Variants in CDON observed in about 807,000 individuals in gnomAD.
CDON encodes cell adhesion associated, oncogene regulated.
Under a neutral mutation model 120.9 loss-of-function variants are expected in CDON, and 73 were observed. The ratio of observed to expected loss-of-function variants is 0.60; its 90% CI spans 0.50 to 0.73. The LOEUF (loss-of-function observed/expected upper bound fraction) is 0.73, where lower values mean the gene tolerates loss of function less well. Among genes scored for constraint, CDON ranks in the 30% least tolerant of loss-of-function variants. The pLI is 0.00. For synonymous variants in CDON, 566 were observed against 573.5 expected (o/e 0.99, Z 0.19); for missense variants, 1,470 against 1,587.3 (o/e 0.93, Z 1.26).
rs1555114733 is a variant in CDON, at chr11:125,971,410, A to ATAAAT, written c.3356+6893_3356+6894insATTTA. Among the ~76,000 whole-genome samples, 27 of 150,854 alleles carry ATAAAT rather than the reference A, an allele frequency of 1.8e-4. 1 individual carries two copies. The highest frequency in any genetic ancestry group is 6.1e-4 in the African/African-American group (25 of 40,756). On this transcript the variant is annotated intron_variant, in intron 18 of 19. Transcript: ENST00000531738. ...AATAAATAAATAAATAAATAAATAA[A>ATAAAT]TAATAATAATTAATGTTCTCATATT...
At chr11:125,963,447 T>C (rs552610000) in intron 18 of CDON, among the ~76,000 whole-genome samples, 3 of 152,308 alleles carry the variant, frequency 2.0e-5, no homozygotes, top group Non-Finnish European at 2.9e-5. Context: ...AAGATAAGAA[T>C]TATTTGGATT....
chr11:125,995,907 C>T (rs949989007), intron 12 of CDON, among the ~76,000 whole-genome samples: 5 of 152,188 alleles, frequency 3.3e-5, no homozygotes, highest in African/African-American at 1.2e-4. Context: ...GAAACCTAAA[C>T]GAATGAAAGT....
In CDON at chr11:126,001,894, T is replaced by C. The variant is rs182011035; in HGVS notation, c.2027-44A>G. The C allele has an allele frequency of 1.6e-4, 234 of 1,437,936 alleles. No homozygotes were observed. In the African/African-American group the frequency reaches 2.7e-3, roughly 17 times the overall value. The allele number at this position is 1,437,936 out of a possible 1,614,324, so 89.1% of individuals were successfully genotyped here. ...ATATACAGTAACATAAGCATATATGTATGTAAAGTGGAAAAAAAAGAGTAC... is the reference window on the plus strand; with the variant it reads ...ATATACAGTAACATAAGCATATATGCATGTAAAGTGGAAAAAAAAGAGTAC... On this transcript the variant is annotated intron_variant, in intron 10 of 19. Transcript: ENST00000531738.
chr11:125,992,669 GATC>G (rs1349330495), intron 14 of CDON, among the ~76,000 whole-genome samples: 2 of 152,108 alleles, frequency 1.3e-5, no homozygotes, highest in Non-Finnish European at 1.5e-5. Context: ...TTAAAAATTG[GATC>G]ATAAATTTCT....
At chr11:125,961,166 G>T (rs979725793) in intron 19 of CDON, 61 bp from the exon 20 acceptor site, 141 of 1,483,078 alleles carry the variant, frequency 9.5e-5, no homozygotes, top group Admixed American at 4.4e-4. Flanking sequence ...TTACAAAGCA[G>T]TCTAAAAACT....
intron 13 of CDON, 99 bp from the exon 14 acceptor site, chr11:125,994,488 C>G: frequency 1.3e-6 from 1 of 749,804 alleles, no homozygotes; most frequent in South Asian, 1.5e-5. Flanking sequence ...TTTCTAGGTT[C>G]ATTTTGCAAA....
chr11:126,057,802 T>C (rs943127003), intron 1 of CDON, among the ~76,000 whole-genome samples: 3 of 152,240 alleles, frequency 2.0e-5, no homozygotes, highest in South Asian at 2.1e-4. Context: ...GCCCGCACTA[T>C]TACTAGCTTC....
intron 16 of CDON, among the ~76,000 whole-genome samples, chr11:125,982,789 G>A (rs547497182): frequency 1.3e-5 from 2 of 152,166 alleles, no homozygotes; most frequent in Admixed American, 6.5e-5. Flanking sequence ...GATTCAACAC[G>A]CACTCACACA....
chr11:125,981,370 ACACG>A lies in CDON; in HGVS notation c.2996-45_2996-42del, dbSNP rs113796011. ...AAAAAAGACACACACGCACACACAC[ACACG>A]CACGCACACATGCACATACGCACAC... On this transcript the variant is annotated intron_variant, in intron 16 of 19. Coordinates refer to ENST00000531738, the MANE Select transcript of CDON (RefSeq NM_001378964.1). 0.014 allele frequency: 22,373 copies of A among 1,577,424 alleles called. 298 individuals carry two copies. Among genetic ancestry groups the A allele is most frequent in the African/African-American group, 0.075 (5,538 of 73,664 alleles).
At chr11:126,001,686 T>C (rs749962546) in intron 11 of CDON, 33 bp downstream of exon 11, 3 of 1,601,916 alleles carry the variant, frequency 1.9e-6, no homozygotes, top group East Asian at 2.2e-5. Context: ...CAGTTATATT[T>C]GTAAAGAAAC....
chr11:125,961,068 A>G lies in CDON; in HGVS notation c.3669T>C (p.Ile1223=). 1 of 1,614,130 alleles carries G rather than the reference A, an allele frequency of 6.2e-7. No individual in the cohort carries two copies. The highest frequency in any genetic ancestry group is 1.3e-5 in the African/African-American group (1 of 75,052). The change falls in exon 20 of 20, where the codon ATT becomes ATC. Residue 1223 remains isoleucine, a synonymous_variant. Transcript: ENST00000531738. ...SCAHSETEIN[I]VSWNALILPP... ...GCAAAATAAGAGCATTCCAACTTAC[A>G]ATGTTGATCTCTGTTTCTGAATGGG...
rs116442300 is a variant in CDON, at chr11:125,964,732, T to C, written c.3357-2734A>G. Among the ~76,000 whole-genome samples, 573 of 152,254 alleles carry C rather than the reference T, an allele frequency of 3.8e-3. 3 individuals are homozygous for C. The highest frequency in any genetic ancestry group is 0.013 in the African/African-American group (556 of 41,530). ...GTGTGGCTGACAAGAATAGGGCACTTTGCACGTTCTAGCCAGAGACCAGTC... is the reference window on the plus strand; with the variant it reads ...GTGTGGCTGACAAGAATAGGGCACTCTGCACGTTCTAGCCAGAGACCAGTC... On this transcript the variant is annotated intron_variant, in intron 18 of 19. Coordinates refer to ENST00000531738, the MANE Select transcript of CDON (RefSeq NM_001378964.1).
At chr11:126,017,491 T>C in intron 5 of CDON, 116 bp from the exon 6 acceptor site, 2 of 1,009,726 alleles carry the variant, frequency 2.0e-6, no homozygotes, top group East Asian at 2.6e-5. Flanking sequence ...CAAGGTCCTA[T>C]TTGGTGGTTA....
intron 1 of CDON, among the ~76,000 whole-genome samples, chr11:126,026,142 C>A (rs961379525): frequency 1.3e-5 from 2 of 152,180 alleles, no homozygotes; most frequent in African/African-American, 4.8e-5. Flanking sequence ...CCCAGAAGTA[C>A]CTTAAGGACT....
chr11:125,973,153 C>T (rs1004205311), intron 18 of CDON, among the ~76,000 whole-genome samples: 1 of 150,686 alleles, frequency 6.6e-6, no homozygotes, highest in Non-Finnish European at 1.5e-5. Context: ...ATCTGGACTA[C>T]TGCAACTGCC....
chr11:125,964,928 T>C (rs1414098098), intron 18 of CDON, among the ~76,000 whole-genome samples: 1 of 152,206 alleles, frequency 6.6e-6, no homozygotes, highest in Non-Finnish European at 1.5e-5. Context: ...AAAATAATTC[T>C]TTTTTTGTTT....
intron 18 of CDON, among the ~76,000 whole-genome samples, chr11:125,967,064 C>CA (rs1202739922): frequency 3.4e-5 from 5 of 147,394 alleles, no homozygotes; most frequent in Non-Finnish European, 6.0e-5. Context: ...TGAGTAGCAA[C>CA]AAAAAAAGAA....
Position 125,959,079 on chromosome 11 carries a change from A to G in CDON, c.*1863T>C, listed in dbSNP as rs1945569380. ...TCTGGAATGTAGAACTTGGGTCTAC[A>G]GCATCCCTAATATCCGACTAGGGAA... is the stretch of plus-strand genomic sequence containing the variant. On this transcript the variant is annotated 3_prime_UTR_variant, in exon 20 of 20. Coordinates refer to ENST00000531738, the MANE Select transcript of CDON (RefSeq NM_001378964.1). The G allele has an allele frequency of 6.6e-6, 1 of 152,222 alleles. No homozygotes were observed. The highest frequency in any genetic ancestry group is 2.4e-5 in the African/African-American group (1 of 41,470). The allele number at this position is 152,222 out of a possible 1,614,324, so 9.4% of individuals were successfully genotyped here. A position where few individuals can be genotyped will look rare whatever the true frequency, so the allele number is the denominator to read the frequency against.
At position 126,017,114 on chromosome 11, in the gene CDON, T is replaced by C; in HGVS notation, c.902A>G (p.Tyr301Cys). 3.7e-6 allele frequency: 6 copies of C among 1,614,152 alleles called. No homozygotes were observed. The highest frequency in any genetic ancestry group is 5.1e-6 in the Non-Finnish European group (6 of 1,179,998). Residue 301 changes from tyrosine to cysteine, a missense_variant, in exon 6 of 20, where the codon TAT (tyrosine) becomes TGT (cysteine). Tyr to Cys is a radical substitution (Grantham distance 194). Transcript: ENST00000531738. The stretch of plus-strand genomic sequence containing the variant: ...AAGTACATTAACCATGTAAGTCACA[T>C]ATTTTACATCTCCAGACTTGTTTCC... ...MAGNKSGDVK[Y>C]VTYMVNVLEH...
Sources: gnomAD v4.1 joint callset for allele counts (sites outside exome capture counted in the v4.1 genomes callset) on GRCh38, gnomAD v4.1.1 for gene constraint, MANE v1.5 for transcripts, NCBI Gene and HGNC (gene_info 2026-07-23, HGNC 2026-07-21) for gene names.